Variants in DLGAP1 observed in about 807,000 individuals in gnomAD.
DLGAP1 encodes the protein disks large-associated protein 1.
Under a neutral mutation model 90.8 loss-of-function variants are expected in DLGAP1, and 11 were observed. The ratio of observed to expected loss-of-function variants is 0.12; its 90% CI spans 0.08 to 0.20. The LOEUF (loss-of-function observed/expected upper bound fraction) is 0.20. Ranked by LOEUF, DLGAP1 falls within the 10% of genes least tolerant of loss-of-function variation. The pLI is 1.00. For synonymous variants in DLGAP1, 558 were observed against 540.7 expected (o/e 1.03, Z -0.44); for missense variants, 1,050 against 1,333.8 (o/e 0.79, Z 3.31).
intron 2 of DLGAP1, among the ~76,000 whole-genome samples, chr18:4,055,653 C>T (rs1046181750): frequency 9.2e-5 from 14 of 152,076 alleles, no homozygotes; most frequent in African/African-American, 3.1e-4. Flanking sequence ...CCCAGGGTCA[C>T]GACTAACTGT....
At chr18:3,919,348 T>C (rs1279307620) in intron 3 of DLGAP1, among the ~76,000 whole-genome samples, 1 of 152,234 alleles carries the variant, frequency 6.6e-6, no homozygotes, top group African/African-American at 2.4e-5. Context: ...TTTAGTTCAC[T>C]AAAAATGCAG....
chr18:3,729,411 C>T lies in DLGAP1; in HGVS notation c.1351-36G>A. ...ACACAGGCGTTGTGACACTCGCCTC[C>T]ACCTGGTGGAGGATCAACCTCTCCA... On this transcript the variant is annotated intron_variant, in intron 6 of 12. Coordinates refer to ENST00000315677, the MANE Select transcript of DLGAP1 (RefSeq NM_004746.4). The surrounding 1 kb of genome is among the most constrained non-coding windows in gnomAD (Gnocchi z 6.2). The T allele has an allele frequency of 6.3e-7, 1 of 1,589,504 alleles. No individual in the cohort carries two copies. Among genetic ancestry groups the T allele is most frequent in the South Asian group, 1.1e-5 (1 of 88,200 alleles).
chr18:3,865,375 A>G (rs1461071492), intron 4 of DLGAP1, among the ~76,000 whole-genome samples: 1 of 152,198 alleles, frequency 6.6e-6, no homozygotes, highest in East Asian at 1.9e-4. Context: ...AGGTTCTTTC[A>G]TAGGTTGAGA....
chr18:3,953,365 T>G (rs185964073), intron 3 of DLGAP1, among the ~76,000 whole-genome samples: 116 of 152,326 alleles, frequency 7.6e-4, no homozygotes, highest in African/African-American at 2.7e-3. Context: ...CTCCAGTGTT[T>G]ATTATTTCAT....
At chr18:4,244,205 G>A (rs1038539125) in intron 1 of DLGAP1, among the ~76,000 whole-genome samples, 1 of 151,848 alleles carries the variant, frequency 6.6e-6, no homozygotes, top group Non-Finnish European at 1.5e-5. Flanking sequence ...GACTAACAAC[G>A]GTCACCTTCC....
intron 1 of DLGAP1, among the ~76,000 whole-genome samples, chr18:4,313,016 T>C (rs2080440328): frequency 6.6e-6 from 1 of 152,192 alleles, no homozygotes; most frequent in African/African-American, 2.4e-5. Context: ...TTCTTAGCCT[T>C]ATTAAGAGTA....
chr18:4,408,844 A>G (rs1275148807), intron 1 of DLGAP1, among the ~76,000 whole-genome samples: 1 of 152,114 alleles, frequency 6.6e-6, no homozygotes, highest in Non-Finnish European at 1.5e-5. Context: ...AGGTAGGTAT[A>G]TCACTGTCAA....
chr18:3,924,796 G>T (rs2072344601), intron 3 of DLGAP1, among the ~76,000 whole-genome samples: 1 of 152,100 alleles, frequency 6.6e-6, no homozygotes, highest in Admixed American at 6.6e-5. Context: ...GGTGTCAAAG[G>T]TATTGTGTTT....
intron 2 of DLGAP1, among the ~76,000 whole-genome samples, chr18:4,090,564 G>A (rs1022662007): frequency 6.6e-6 from 1 of 152,192 alleles, no homozygotes; most frequent in Non-Finnish European, 1.5e-5. Flanking sequence ...ATGCCAGTTA[G>A]AATGGCAATT....
chr18:3,914,037 A>T (rs1192829098), intron 3 of DLGAP1, among the ~76,000 whole-genome samples: 2 of 151,122 alleles, frequency 1.3e-5, no homozygotes, highest in East Asian at 3.8e-4. Flanking sequence ...CACCATAGGT[A>T]ATTTTATTTT....
intron 1 of DLGAP1, among the ~76,000 whole-genome samples, chr18:4,348,646 A>G (rs1383367241): frequency 6.6e-6 from 1 of 152,116 alleles, no homozygotes; most frequent in East Asian, 1.9e-4. Flanking sequence ...ATGGGTAGAT[A>G]TTAGCGGGAT....
intron 1 of DLGAP1, among the ~76,000 whole-genome samples, chr18:4,417,614 C>T (rs951301078): frequency 6.6e-6 from 1 of 152,100 alleles, no homozygotes; most frequent in Non-Finnish European, 1.5e-5. Context: ...TATCATAAAC[C>T]TATTGGAGAA....
At chr18:4,208,447 A>G (rs1051449557) in intron 1 of DLGAP1, among the ~76,000 whole-genome samples, 3 of 152,186 alleles carry the variant, frequency 2.0e-5, no homozygotes, top group East Asian at 1.9e-4. Flanking sequence ...GCAAAGCCCA[A>G]TGACTTGACT....
At chr18:4,332,168 C>A (rs1313467585) in intron 1 of DLGAP1, among the ~76,000 whole-genome samples, 1 of 151,934 alleles carries the variant, frequency 6.6e-6, no homozygotes, top group Non-Finnish European at 1.5e-5. Context: ...TAGGAGTTAA[C>A]CAGCATACTG....
chr18:4,158,550 C>T (rs940777532), intron 1 of DLGAP1, among the ~76,000 whole-genome samples: 4 of 152,086 alleles, frequency 2.6e-5, no homozygotes, highest in Admixed American at 2.6e-4. Context: ...GGAAATAGAA[C>T]ACCTTCTTTT....
intron 1 of DLGAP1, among the ~76,000 whole-genome samples, chr18:4,253,321 A>T (rs2145207978): frequency 6.6e-6 from 1 of 152,340 alleles, no homozygotes; most frequent in Admixed American, 6.5e-5. Context: ...CCCAAAAGAT[A>T]AGTTTCAGTG....
chr18:4,003,388 T>C (rs2074237076), intron 3 of DLGAP1, among the ~76,000 whole-genome samples: 2 of 151,498 alleles, frequency 1.3e-5, no homozygotes, highest in African/African-American at 4.9e-5. Context: ...AGCCCAAGGA[T>C]GTAATTTCTT....
intron 4 of DLGAP1, among the ~76,000 whole-genome samples, chr18:3,814,582 T>C (rs1393823868): frequency 6.6e-6 from 1 of 152,132 alleles, no homozygotes; most frequent in Non-Finnish European, 1.5e-5. Flanking sequence ...AGGATGGTCT[T>C]AATCTCCTGA....
intron 2 of DLGAP1, among the ~76,000 whole-genome samples, chr18:4,096,121 G>A (rs2075674548): frequency 6.6e-6 from 1 of 152,144 alleles, no homozygotes; most frequent in Admixed American, 6.5e-5. Context: ...CGCCTTCTGG[G>A]TTCAAGTGAT....
Sources: gnomAD v4.1 joint callset for allele counts (sites outside exome capture counted in the v4.1 genomes callset) on GRCh38, gnomAD v4.1.1 for gene constraint, Gnocchi (gnomAD v3.1) non-coding constraint, MANE v1.5 for transcripts, NCBI Gene and HGNC (gene_info 2026-07-23, HGNC 2026-07-21) for gene names.